Variants in DNAH11 observed in about 807,000 individuals in gnomAD.
DNAH11 encodes the protein dynein axonemal heavy chain 11.
Under a neutral mutation model 526.0 loss-of-function variants are expected in DNAH11, and 442 were observed. That is an observed-to-expected ratio of 0.84 (90% CI 0.78 to 0.91). The LOEUF (loss-of-function observed/expected upper bound fraction) is 0.91, where lower values mean the gene tolerates loss of function less well. Ranked by LOEUF, DNAH11 falls within the 40% of genes least tolerant of loss-of-function variation. DNAH11 has a pLI of 0.00. For synonymous variants in DNAH11, 2,461 were observed against 1,935.9 expected (o/e 1.27, Z -7.12); for missense variants, 6,989 against 5,448.7 (o/e 1.28, Z -8.90).
chr7:21,839,936 A>G (rs1171065818), intron 65 of DNAH11, among the ~76,000 whole-genome samples: 1 of 152,238 alleles, frequency 6.6e-6, no homozygotes, highest in East Asian at 1.9e-4. Context: ...TATTCAGGCA[A>G]CAAAAGCTTT....
chr7:21,635,927 G>T lies in DNAH11; in HGVS notation c.4557G>T (p.Val1519=). ...SKYVEYFIEQ[V]LSWQNKLNIA... is the part of the protein sequence containing the mutation. ...ATGTAGAATATTTCATTGAGCAAGTGTTAAGCTGGCAAAATAAATTAAACA... is the reference window on the plus strand; with the variant it reads ...ATGTAGAATATTTCATTGAGCAAGTTTTAAGCTGGCAAAATAAATTAAACA... Residue 1519 remains valine (V), a synonymous_variant, in exon 26 of 82, where the codon GTG becomes GTT. Transcript: ENST00000409508. 6.2e-7 allele frequency: 1 copy of T among 1,613,370 alleles called. No individual in the cohort carries two copies. Among genetic ancestry groups the T allele is most frequent in the Non-Finnish European group, 8.5e-7 (1 of 1,179,658 alleles).
chr7:21,633,017 A>G lies in DNAH11; in HGVS notation c.4501-2854A>G, dbSNP rs563282576. Among the ~76,000 whole-genome samples, 9 of 152,216 alleles carry G rather than the reference A, an allele frequency of 5.9e-5. No homozygotes were observed. The South Asian group carries it at 8.3e-4, about 14-fold the overall frequency. ...ACAATCATGGTGGAAGGTGAAAAGC[A>G]CGTCTCCCAAAGTGGCAGACAAGAC... On this transcript the variant is annotated intron_variant, in intron 25 of 81. Transcript: ENST00000409508.
intron 14 of DNAH11, among the ~76,000 whole-genome samples, chr7:21,596,715 A>G (rs557944002): frequency 6.7e-4 from 102 of 152,352 alleles, no homozygotes; most frequent in Middle Eastern, 6.8e-3. Context: ...TTGCATTGTC[A>G]TCTCAGAGAA....
At chr7:21,670,973 T>G (rs555468829) in intron 30 of DNAH11, among the ~76,000 whole-genome samples, 3 of 152,130 alleles carry the variant, frequency 2.0e-5, no homozygotes, top group Admixed American at 2.0e-4. Context: ...TGTCTGTAAT[T>G]TTCTTTTTCT....
chr7:21,701,119 C>T (rs1784039473), intron 36 of DNAH11, among the ~76,000 whole-genome samples: 2 of 151,478 alleles, frequency 1.3e-5, no homozygotes, highest in South Asian at 4.2e-4. Flanking sequence ...ACAACAACAA[C>T]AAAACCTCTG....
intron 65 of DNAH11, among the ~76,000 whole-genome samples, chr7:21,819,359 C>A (rs929004782): frequency 6.6e-6 from 1 of 152,102 alleles, no homozygotes; most frequent in African/African-American, 2.4e-5. Context: ...ATTTATCATA[C>A]AATCACTAAG....
In DNAH11 at chr7:21,559,681, T is replaced by C; in HGVS notation, c.771T>C (p.Ile257=). The C allele has an allele frequency of 6.2e-7, 1 of 1,611,742 alleles. No homozygotes were observed. The highest frequency in any genetic ancestry group is 8.5e-7 in the Non-Finnish European group (1 of 1,178,968). Residue 257 remains isoleucine, a synonymous_variant, in exon 4 of 82, where the codon ATT becomes ATC. Coordinates refer to ENST00000409508, the MANE Select transcript of DNAH11 (RefSeq NM_001277115.2). ...VIEWSHQIQE[I]IERDSVQRLL... ...AATGGTCACATCAAATCCAAGAAAT[T>C]ATAGAAAGAGATTCAGTGCAGCGTT...
At position 21,894,604 on chromosome 7, in the gene DNAH11, T is replaced by G. The variant is rs750452367; in HGVS notation, c.12751-19T>G. 4 of 1,609,838 alleles carry G rather than the reference T, an allele frequency of 2.5e-6. No homozygotes were observed. The highest frequency in any genetic ancestry group is 4.5e-5 in the East Asian group (2 of 44,852). On this transcript the variant is annotated intron_variant, in intron 77 of 81. Transcript: ENST00000409508. ...AACTGAAATAGAAAGGAGCTAAATC[T>G]TTGTGTTACTGATTTAAGGTTAAGA...
intron 43 of DNAH11, 42 bp from the exon 44 acceptor site, chr7:21,720,683 T>TA (rs769117590): frequency 8.5e-6 from 13 of 1,520,918 alleles, no homozygotes; most frequent in Middle Eastern, 1.9e-4. Context: ...CTTCACTATT[T>TA]TAAAAAAATG....
intron 9 of DNAH11, among the ~76,000 whole-genome samples, chr7:21,586,051 A>T (rs941212906): frequency 6.6e-6 from 1 of 152,186 alleles, no homozygotes; most frequent in African/African-American, 2.4e-5. Context: ...CATGACAAAC[A>T]ATTACAATAA....
At chr7:21,869,293 G>A (rs193168767) in intron 73 of DNAH11, among the ~76,000 whole-genome samples, 3 of 152,292 alleles carry the variant, frequency 2.0e-5, no homozygotes, top group East Asian at 1.9e-4. Context: ...CTGAGAACAC[G>A]CAGGCTTGTT....
rs569092902 is a variant in DNAH11, at chr7:21,900,003, A to C, written c.13186A>C (p.Lys4396Gln). ...AGCAATCATGCAGACGATGGCTCGA[A>C]AAAATGAGTGGCCCCTGGATAAAAC... ...LTAIMQTMARKNEWPLDKTRL... is the reference protein window; with the variant it reads ...LTAIMQTMARQNEWPLDKTRL... Residue 4396 changes from lysine (K) to glutamine (Q), a missense_variant, in exon 81 of 82, where the codon AAA (lysine) becomes CAA (glutamine). Coordinates refer to ENST00000409508, the MANE Select transcript of DNAH11 (RefSeq NM_001277115.2). 8.1e-6 allele frequency: 13 copies of C among 1,614,008 alleles called. No individual in the cohort carries two copies. The highest frequency in any genetic ancestry group is 8.0e-5 in the African/African-American group (6 of 75,060).
intron 28 of DNAH11, 138 bp downstream of exon 28, chr7:21,639,203 G>A (rs1246605576): frequency 2.8e-6 from 3 of 1,054,634 alleles, no homozygotes; most frequent in Non-Finnish European, 4.0e-6. Flanking sequence ...TTGTAATGTA[G>A]CATCAGAGGG....
chr7:21,827,918 T>C (rs1220416882), intron 65 of DNAH11, among the ~76,000 whole-genome samples: 1 of 152,104 alleles, frequency 6.6e-6, no homozygotes, highest in East Asian at 1.9e-4. Context: ...ATGTACTTTC[T>C]TGAGCTGGAA....
At chr7:21,800,110 A>G (rs531894540) in intron 61 of DNAH11, among the ~76,000 whole-genome samples, 2 of 152,238 alleles carry the variant, frequency 1.3e-5, no homozygotes, top group Non-Finnish European at 2.9e-5. Flanking sequence ...AGAAGCTGCC[A>G]TGAACTTCTC....
At position 21,636,050 on chromosome 7, in the gene DNAH11, T is replaced by A; in HGVS notation, c.4680T>A (p.Leu1560=). ...GTTCAGAAGATATTCGAATCCAGCT[T>A]GTGAAAGATGCTAGAAGATTTGATG... ...FVCSEDIRIQ[L]VKDARRFDGV... is the part of the protein sequence containing the mutation. The change falls in exon 26 of 82, where the codon CTT becomes CTA. Residue 1560 remains leucine (L), a synonymous_variant. Coordinates refer to ENST00000409508, the MANE Select transcript of DNAH11 (RefSeq NM_001277115.2). 1.2e-6 allele frequency: 2 copies of A among 1,613,526 alleles called. No individual in the cohort carries two copies. The highest frequency in any genetic ancestry group is 8.5e-7 in the Non-Finnish European group (1 of 1,179,676).
chr7:21,696,565 TTG>T (rs1164973850), intron 35 of DNAH11, among the ~76,000 whole-genome samples: 2 of 152,254 alleles, frequency 1.3e-5, no homozygotes, highest in African/African-American at 4.8e-5. Context: ...AGTATCCTAT[TTG>T]TGACCCAATT....
intron 45 of DNAH11, among the ~76,000 whole-genome samples, chr7:21,729,602 G>C (rs879832158): frequency 1.3e-5 from 2 of 152,138 alleles, no homozygotes; most frequent in African/African-American, 4.8e-5. Flanking sequence ...ACTTGAGTTA[G>C]TCACTCACAG....
chr7:21,873,256 C>T lies in DNAH11; in HGVS notation c.11968-18C>T, dbSNP rs182921787. ...ATGCCTCACCTTCACAGGAATTATGCACCATGCTATCTTTCAGAATGTTCA... is the reference window on the plus strand; with the variant it reads ...ATGCCTCACCTTCACAGGAATTATGTACCATGCTATCTTTCAGAATGTTCA... On this transcript the variant is annotated intron_variant, in intron 73 of 81. Coordinates refer to ENST00000409508, the MANE Select transcript of DNAH11 (RefSeq NM_001277115.2). 3.2e-6 allele frequency: 5 copies of T among 1,546,124 alleles called. No homozygotes were observed. Among genetic ancestry groups the T allele is most frequent in the Admixed American group, 1.9e-5 (1 of 52,036 alleles).
Sources: allele counts gnomAD v4.1 joint callset (sites outside exome capture counted in the v4.1 genomes callset), GRCh38; gene constraint gnomAD v4.1.1; transcripts MANE v1.5; gene names NCBI Gene and HGNC (gene_info 2026-07-23, HGNC 2026-07-21).